The following THSD7B variants were observed in gnomAD, a reference collection of about 807,000 sequenced individuals.
The protein encoded by THSD7B is thrombospondin type 1 domain containing 7B, also known as thrombospondin type-1 domain-containing protein 7B.
Under a neutral mutation model 213.6 loss-of-function variants are expected in THSD7B, and 138 were observed. That is an observed-to-expected ratio of 0.65 (90% confidence interval 0.56 to 0.74). THSD7B has a LOEUF of 0.74. Among genes scored for constraint, THSD7B ranks in the 30% least tolerant of loss-of-function variants. The pLI is 0.00. For missense variants in THSD7B, 1,931 were observed against 1,991.5 expected (o/e 0.97, Z 0.58); for synonymous variants, 742 against 687.0 (o/e 1.08, Z -1.25).
chr2:136,803,358 A>C (rs1682224035), intron 1 of THSD7B, among the ~76,000 whole-genome samples: 1 of 152,134 alleles, frequency 6.6e-6, no homozygotes, highest in African/African-American at 2.4e-5. Flanking sequence ...TCCAGGAAGC[A>C]TATTATGATT....
At chr2:137,279,325 C>G (rs544520726) in intron 12 of THSD7B, among the ~76,000 whole-genome samples, 1 of 151,942 alleles carries the variant, frequency 6.6e-6, no homozygotes, top group East Asian at 1.9e-4. Flanking sequence ...TCCTTGAGCT[C>G]AAGAGTTGGA....
intron 15 of THSD7B, among the ~76,000 whole-genome samples, chr2:137,515,538 G>C (rs925799914): frequency 6.6e-6 from 1 of 152,092 alleles, no homozygotes; most frequent in Non-Finnish European, 1.5e-5. Flanking sequence ...AGAACTACTT[G>C]AGTTTTCTAA....
intron 15 of THSD7B, among the ~76,000 whole-genome samples, chr2:137,551,916 A>G (rs1680855967): frequency 6.6e-6 from 1 of 152,134 alleles, no homozygotes; most frequent in Admixed American, 6.6e-5. Context: ...ACCCAGGACC[A>G]CTGGACCTAG....
intron 12 of THSD7B, among the ~76,000 whole-genome samples, chr2:137,373,287 T>C (rs1181173325): frequency 1.3e-5 from 2 of 152,228 alleles, no homozygotes; most frequent in African/African-American, 4.8e-5. Flanking sequence ...ACTTCCACAA[T>C]GGTTGAACTA....
At chr2:137,051,396 C>T (rs1205281494) in intron 2 of THSD7B, among the ~76,000 whole-genome samples, 1 of 152,122 alleles carries the variant, frequency 6.6e-6, no homozygotes, top group Non-Finnish European at 1.5e-5. Context: ...AGAAAGTGAA[C>T]TTTCTTAAAT....
At chr2:137,501,158 T>C (rs1006338334) in intron 15 of THSD7B, among the ~76,000 whole-genome samples, 1 of 152,184 alleles carries the variant, frequency 6.6e-6, no homozygotes, top group Non-Finnish European at 1.5e-5. Context: ...CATGAAATCA[T>C]AAAACTAAAC....
chr2:136,856,672 G>A (rs997025556), intron 1 of THSD7B, among the ~76,000 whole-genome samples: 1 of 152,012 alleles, frequency 6.6e-6, no homozygotes, highest in African/African-American at 2.4e-5. Flanking sequence ...CCGCCACCAC[G>A]CCTGGCTAAC....
intron 16 of THSD7B, 83 bp downstream of exon 16, chr2:137,563,437 A>C: frequency 2.6e-6 from 4 of 1,514,050 alleles, no homozygotes; most frequent in Non-Finnish European, 3.6e-6. Context: ...ATGTTTATCC[A>C]AGTACACTCT....
At chr2:136,807,181 T>A (rs748961587) in intron 1 of THSD7B, among the ~76,000 whole-genome samples, 8 of 152,166 alleles carry the variant, frequency 5.3e-5, no homozygotes, top group African/African-American at 1.9e-4. Flanking sequence ...AGTCACTAAG[T>A]AGAGCCCAAA....
chr2:136,782,311 T>C (rs1358227741), intron 1 of THSD7B, among the ~76,000 whole-genome samples: 1 of 152,186 alleles, frequency 6.6e-6, no homozygotes, highest in Non-Finnish European at 1.5e-5. Context: ...AGGTCTCTCT[T>C]GGTGGCTCCA....
intron 16 of THSD7B, among the ~76,000 whole-genome samples, chr2:137,569,165 A>T (rs1337642820): frequency 5.9e-5 from 9 of 152,164 alleles, no homozygotes. Context: ...AAAGAATATA[A>T]GTGTCCCCTG....
intron 3 of THSD7B, among the ~76,000 whole-genome samples, chr2:137,090,522 C>T (rs375165585): frequency 2.0e-4 from 30 of 152,084 alleles, no homozygotes; most frequent in African/African-American, 6.8e-4. Context: ...GATTTTCTTA[C>T]GTTTCCAGGG....
At chr2:136,844,484 G>GAGAGAGAGAGAGAGAGAGAGAGAC (rs1470105512) in intron 1 of THSD7B, among the ~76,000 whole-genome samples, 62 of 149,638 alleles carry the variant, frequency 4.1e-4, no homozygotes, top group Non-Finnish European at 5.9e-4. Context: ...GAGAGAGAGA[G>GAGAGAGAGAGAGAGAGAGAGAGAC]AGAGAGAGAG....
At chr2:137,418,870 T>C (rs1342197835) in intron 14 of THSD7B, among the ~76,000 whole-genome samples, 1 of 152,038 alleles carries the variant, frequency 6.6e-6, no homozygotes, top group Admixed American at 6.6e-5. Flanking sequence ...AGGAGTTCAT[T>C]CTGTATAGTG....
chr2:137,483,078 A>G (rs996988253), intron 15 of THSD7B, among the ~76,000 whole-genome samples: 1 of 152,140 alleles, frequency 6.6e-6, no homozygotes, highest in Non-Finnish European at 1.5e-5. Flanking sequence ...TCTCAATAGG[A>G]TGCCTTGGGA....
At chr2:137,152,525 G>A (rs1367190632) in intron 5 of THSD7B, among the ~76,000 whole-genome samples, 2 of 152,154 alleles carry the variant, frequency 1.3e-5, no homozygotes, top group African/African-American at 4.8e-5. Flanking sequence ...TATCTCATCT[G>A]TAAAAATAGA....
intron 2 of THSD7B, among the ~76,000 whole-genome samples, chr2:136,884,239 G>T (rs919701448): frequency 2.6e-5 from 4 of 152,210 alleles, no homozygotes; most frequent in African/African-American, 9.6e-5. Context: ...AAGTAGGCAA[G>T]TGTGAGCAGT....
At chr2:137,673,584 GT>G (rs1683627660) in intron 27 of THSD7B, among the ~76,000 whole-genome samples, 1 of 152,218 alleles carries the variant, frequency 6.6e-6, no homozygotes, top group Non-Finnish European at 1.5e-5. Context: ...AAGGAAAAAT[GT>G]GGATACTGTA....
intron 2 of THSD7B, among the ~76,000 whole-genome samples, chr2:137,010,841 T>C (rs1686217567): frequency 6.6e-6 from 1 of 152,176 alleles, no homozygotes; most frequent in Admixed American, 6.6e-5. Context: ...AATTAAAATA[T>C]CAATCAATCT....
Sources: allele counts gnomAD v4.1 joint callset (sites outside exome capture counted in the v4.1 genomes callset), GRCh38; gene constraint gnomAD v4.1.1; transcripts MANE v1.5; gene names NCBI Gene and HGNC (gene_info 2026-07-23, HGNC 2026-07-21).